The following CNTNAP2 variants were observed in gnomAD, a reference collection of about 807,000 sequenced individuals.
CNTNAP2 encodes the protein contactin-associated protein-like 2.
CNTNAP2 carries 98 observed loss-of-function variants against 155.2 expected under a neutral mutation model. The observed-to-expected ratio is 0.63, with a 90% CI of 0.54 to 0.75. The LOEUF (loss-of-function observed/expected upper bound fraction) is 0.75. Ranked by LOEUF, CNTNAP2 falls within the 30% of genes least tolerant of loss-of-function variation. CNTNAP2 has a pLI of 0.00. For synonymous variants in CNTNAP2, 651 were observed against 631.2 expected (o/e 1.03, Z -0.47); for missense variants, 1,727 against 1,688.1 (o/e 1.02, Z -0.40).
rs368963556 is a variant in CNTNAP2 at position 147,419,124 on chromosome 7, T to C, written c.1670+23344T>C. 9.0e-4 allele frequency among the ~76,000 whole-genome samples: 137 copies of C among 152,260 alleles called. 2 individuals are homozygous for C. The East Asian group carries it at 0.017, about 19-fold the overall frequency. On this transcript the variant is annotated intron_variant, in intron 10 of 23. Coordinates refer to ENST00000361727, the MANE Select transcript of CNTNAP2 (RefSeq NM_014141.6). ...TTGAATCCATAGCCACCACATGAAA[T>C]ATGATATAAGCAAGTCAGTAAGAGC... is the stretch of plus-strand genomic sequence containing the variant.
chr7:147,702,782 T>C (rs552830772), intron 13 of CNTNAP2, among the ~76,000 whole-genome samples: 1 of 152,222 alleles, frequency 6.6e-6, no homozygotes, highest in South Asian at 2.1e-4. Flanking sequence ...GGCCCCAAGT[T>C]CAGAAAGGCC....
chr7:146,235,360 C>T (rs146926966), intron 1 of CNTNAP2, among the ~76,000 whole-genome samples: 213 of 151,844 alleles, frequency 1.4e-3, no homozygotes, highest in Non-Finnish European at 2.0e-3. Flanking sequence ...CTGACTCTCA[C>T]GGTGGCTGTT....
intron 9 of CNTNAP2, among the ~76,000 whole-genome samples, chr7:147,391,480 G>A (rs1173478528): frequency 6.6e-6 from 1 of 151,986 alleles, no homozygotes; most frequent in Non-Finnish European, 1.5e-5. Context: ...AGTACAAGCT[G>A]GTGGTGTTAC....
At chr7:147,481,926 T>A (rs1483457860) in intron 10 of CNTNAP2, among the ~76,000 whole-genome samples, 1 of 152,134 alleles carries the variant, frequency 6.6e-6, no homozygotes, top group Non-Finnish European at 1.5e-5. Flanking sequence ...AGCGCAAGAG[T>A]CTGGATTTGA....
At chr7:147,418,592 G>T (rs999968860) in intron 10 of CNTNAP2, among the ~76,000 whole-genome samples, 2 of 152,158 alleles carry the variant, frequency 1.3e-5, no homozygotes, top group East Asian at 3.9e-4. Context: ...AAAAATGAGG[G>T]ACAGTGAGTC....
chr7:146,488,025 C>A (rs1425795976), intron 1 of CNTNAP2, among the ~76,000 whole-genome samples: 2 of 152,156 alleles, frequency 1.3e-5, no homozygotes, highest in South Asian at 2.1e-4. Flanking sequence ...AACCAAATAT[C>A]ATTTCTCTAG....
chr7:147,779,337 G>A (rs1406076084), intron 13 of CNTNAP2, among the ~76,000 whole-genome samples: 1 of 152,254 alleles, frequency 6.6e-6, no homozygotes, highest in East Asian at 1.9e-4. Context: ...TAAGATTTTT[G>A]ATGAAAATGT....
At chr7:147,225,010 G>A (rs946003616) in intron 8 of CNTNAP2, among the ~76,000 whole-genome samples, 5 of 152,100 alleles carry the variant, frequency 3.3e-5, no homozygotes, top group African/African-American at 9.7e-5. Context: ...TGTCCAGTAT[G>A]TTGTGAGCAC....
At chr7:147,890,913 T>C (rs1272950028) in intron 13 of CNTNAP2, among the ~76,000 whole-genome samples, 1 of 152,160 alleles carries the variant, frequency 6.6e-6, no homozygotes, top group African/African-American at 2.4e-5. Context: ...TACAGTGCAT[T>C]GCATTTTGAA....
chr7:147,100,242 T>G (rs1466105076), intron 4 of CNTNAP2, among the ~76,000 whole-genome samples: 1 of 152,210 alleles, frequency 6.6e-6, no homozygotes, highest in Non-Finnish European at 1.5e-5. Flanking sequence ...ATGCTATAAC[T>G]TTAAAAAGTT....
intron 1 of CNTNAP2, among the ~76,000 whole-genome samples, chr7:146,161,824 A>G (rs1351916782): frequency 2.6e-5 from 4 of 152,188 alleles, no homozygotes; most frequent in Non-Finnish European, 4.4e-5. Flanking sequence ...ATATAGACCA[A>G]TGGAACACAA....
At chr7:148,401,031 G>T (rs996964102) in intron 22 of CNTNAP2, among the ~76,000 whole-genome samples, 1 of 151,690 alleles carries the variant, frequency 6.6e-6, no homozygotes, top group Non-Finnish European at 1.5e-5. Context: ...ACAATGACAA[G>T]AAAAAAATAT....
intron 2 of CNTNAP2, among the ~76,000 whole-genome samples, chr7:146,831,030 TA>T (rs925199655): frequency 6.6e-6 from 1 of 152,182 alleles, no homozygotes; most frequent in Admixed American, 6.5e-5. Context: ...TTGCAATAAT[TA>T]AAATTGAAGA....
chr7:147,819,752 C>T (rs1456277330), intron 13 of CNTNAP2, among the ~76,000 whole-genome samples: 1 of 151,936 alleles, frequency 6.6e-6, no homozygotes, highest in Non-Finnish European at 1.5e-5. Flanking sequence ...TCAACAGATT[C>T]ATTTCACCTG....
intron 15 of CNTNAP2, among the ~76,000 whole-genome samples, chr7:148,094,152 C>T (rs917085764): frequency 3.9e-5 from 6 of 152,190 alleles, no homozygotes; most frequent in African/African-American, 1.4e-4. Flanking sequence ...GAAGTCCCTC[C>T]TACTGCCCAT....
intron 1 of CNTNAP2, among the ~76,000 whole-genome samples, chr7:146,747,926 TATTAA>T (rs1315121683): frequency 6.6e-6 from 1 of 152,146 alleles, no homozygotes; most frequent in African/African-American, 2.4e-5. Flanking sequence ...TATGATTGAA[TATTAA>T]ATTATTCACG....
At chr7:148,005,353 T>C (rs1801957035) in intron 15 of CNTNAP2, among the ~76,000 whole-genome samples, 1 of 152,060 alleles carries the variant, frequency 6.6e-6, no homozygotes, top group African/African-American at 2.4e-5. Flanking sequence ...TGCCATTACA[T>C]TGGTGATTAG....
intron 2 of CNTNAP2, among the ~76,000 whole-genome samples, chr7:146,783,775 A>T (rs1802529189): frequency 6.6e-6 from 1 of 152,218 alleles, no homozygotes; most frequent in African/African-American, 2.4e-5. Flanking sequence ...ACGTATATAC[A>T]TACAAGTTTC....
intron 21 of CNTNAP2, among the ~76,000 whole-genome samples, chr7:148,302,805 C>T (rs940899680): frequency 1.4e-5 from 2 of 143,612 alleles, no homozygotes; most frequent in African/African-American, 5.1e-5. Context: ...TACTCAGTCT[C>T]GATTATTCTT....
Sources: allele counts gnomAD v4.1 joint callset (sites outside exome capture counted in the v4.1 genomes callset), GRCh38; gene constraint gnomAD v4.1.1; transcripts MANE v1.5; gene names NCBI Gene and HGNC (gene_info 2026-07-23, HGNC 2026-07-21).